Variants in RBFOX1 observed in about 807,000 individuals in gnomAD.
The protein encoded by RBFOX1 is RNA binding fox-1 homolog 1.
Under a neutral mutation model 57.7 loss-of-function variants are expected in RBFOX1, and 8 were observed. The ratio of observed to expected loss-of-function variants is 0.14; its 90% CI spans 0.08 to 0.25. RBFOX1 has a LOEUF of 0.25. RBFOX1 is among the 10% of genes least tolerant of loss of function. RBFOX1 has a pLI of 1.00. For missense variants in RBFOX1, 611 were observed against 548.5 expected, an observed-to-expected ratio of 1.11 and a Z score of -1.14; for synonymous variants, 326 against 222.4, an observed-to-expected ratio of 1.47 and a Z score of -4.15.
intron 3 of RBFOX1, among the ~76,000 whole-genome samples, chr16:6,678,235 C>T (rs1259064141): frequency 6.6e-6 from 1 of 152,144 alleles, no homozygotes; most frequent in Non-Finnish European, 1.5e-5. Context: ...AGCATTTATC[C>T]AACTTCATCC....
At chr16:7,067,610 G>A (rs1402692512) in intron 4 of RBFOX1, among the ~76,000 whole-genome samples, 1 of 151,788 alleles carries the variant, frequency 6.6e-6, no homozygotes, top group Non-Finnish European at 1.5e-5. Flanking sequence ...ATGTATACAT[G>A]TGCCATGTTG....
chr16:6,911,016 C>T (rs182340378), intron 3 of RBFOX1, among the ~76,000 whole-genome samples: 4 of 152,074 alleles, frequency 2.6e-5, no homozygotes, highest in East Asian at 3.9e-4. Context: ...GCCTGGTCAA[C>T]GTGGTGAAAC....
intron 2 of RBFOX1, among the ~76,000 whole-genome samples, chr16:6,527,461 T>C (rs1033551034): frequency 6.6e-6 from 1 of 152,178 alleles, no homozygotes; most frequent in African/African-American, 2.4e-5. Context: ...TGCCAGCCTG[T>C]GAAACACGTG....
At chr16:6,133,533 A>G (rs1248603260) in intron 1 of RBFOX1, among the ~76,000 whole-genome samples, 5 of 152,136 alleles carry the variant, frequency 3.3e-5, no homozygotes, top group Non-Finnish European at 5.9e-5. Context: ...CGATCACGCT[A>G]TGTTTACTGT....
chr16:6,974,823 T>C (rs993837586), intron 3 of RBFOX1, among the ~76,000 whole-genome samples: 2 of 152,158 alleles, frequency 1.3e-5, no homozygotes, highest in South Asian at 2.1e-4. Context: ...CCTTGGCTTG[T>C]AGTCCTTTTA....
At chr16:5,348,529 A>C (rs2065192859) in intron 1 of RBFOX1, among the ~76,000 whole-genome samples, 1 of 152,174 alleles carries the variant, frequency 6.6e-6, no homozygotes, top group Non-Finnish European at 1.5e-5. Context: ...CATATCTAAG[A>C]AGTGGAGGAG....
chr16:6,878,098 T>C (rs2062178010), intron 3 of RBFOX1, among the ~76,000 whole-genome samples: 1 of 152,168 alleles, frequency 6.6e-6, no homozygotes, highest in South Asian at 2.1e-4. Context: ...CTGAGATATA[T>C]GGTGGCGTGT....
At chr16:6,563,783 G>C (rs1459455194) in intron 2 of RBFOX1, among the ~76,000 whole-genome samples, 1 of 151,902 alleles carries the variant, frequency 6.6e-6, no homozygotes, top group African/African-American at 2.4e-5. Flanking sequence ...CTGAGACTGA[G>C]CCACTGCAAT....
chr16:7,011,356 G>T (rs929781362), intron 3 of RBFOX1, among the ~76,000 whole-genome samples: 1 of 152,150 alleles, frequency 6.6e-6, no homozygotes, highest in Non-Finnish European at 1.5e-5. Flanking sequence ...AATTTGCCAA[G>T]GTCTTAAAGA....
At chr16:5,978,736 C>A (rs1472919551) in intron 4 of RBFOX1, among the ~76,000 whole-genome samples, 2 of 150,054 alleles carry the variant, frequency 1.3e-5, no homozygotes, top group Non-Finnish European at 2.9e-5. Context: ...GGGTACCAGT[C>A]CGGCGTCCTG....
At chr16:6,087,195 G>T (rs968872004) in intron 1 of RBFOX1, among the ~76,000 whole-genome samples, 1 of 152,206 alleles carries the variant, frequency 6.6e-6, no homozygotes, top group Admixed American at 6.5e-5. Context: ...TAGAACGCCT[G>T]CCAGGTGAAA....
At chr16:7,202,504 G>A (rs567660316) in intron 4 of RBFOX1, among the ~76,000 whole-genome samples, 108 of 152,312 alleles carry the variant, frequency 7.1e-4, no homozygotes, top group Non-Finnish European at 9.1e-4. Context: ...TGAATGTAGA[G>A]CAGGGGTCCC....
At position 6,080,558 on chromosome 16, in the gene RBFOX1, G is replaced by C. The variant is rs1368452180; in HGVS notation, c.-127+60566G>C. ...TACAATGAATGCATAATTAAGATAG[G>C]GATATTTACTGCAAAGGAAAAATAA... On this transcript the variant is annotated intron_variant, in intron 1 of 15. Transcript: ENST00000550418. 3.3e-5 allele frequency among the ~76,000 whole-genome samples: 5 copies of C among 152,008 alleles called. No individual in the cohort carries two copies. In the East Asian group the frequency reaches 7.7e-4, roughly 23 times the overall value.
In RBFOX1 at chr16:7,581,979, T is replaced by A. The variant is rs536219221; in HGVS notation, c.414+2059T>A. On this transcript the variant is annotated intron_variant, in intron 6 of 15. Transcript: ENST00000550418. ...CAACCCTCCCGCCTTGGCCTCCCAATGTGCTGGGATTACAGCATAAGATGT... is the reference window on the plus strand; with the variant it reads ...CAACCCTCCCGCCTTGGCCTCCCAAAGTGCTGGGATTACAGCATAAGATGT... Among the ~76,000 whole-genome samples, 42 of 151,896 alleles carry A rather than the reference T, an allele frequency of 2.8e-4. No individual in the cohort carries two copies. In the South Asian group the frequency reaches 3.5e-3, roughly 13 times the overall value.
intron 3 of RBFOX1, among the ~76,000 whole-genome samples, chr16:6,917,239 G>A (rs373235579): frequency 9.2e-5 from 14 of 152,216 alleles, no homozygotes; most frequent in Non-Finnish European, 1.6e-4. Context: ...CTTGGTCCCC[G>A]CTCTCACTGC....
At chr16:6,880,741 T>C (rs1361077226) in intron 3 of RBFOX1, among the ~76,000 whole-genome samples, 1 of 152,242 alleles carries the variant, frequency 6.6e-6, no homozygotes, top group Non-Finnish European at 1.5e-5. Context: ...TATTTTATGA[T>C]TGTATTTGAT....
chr16:7,554,688 A>G (rs1031919482), intron 5 of RBFOX1, among the ~76,000 whole-genome samples: 1 of 151,670 alleles, frequency 6.6e-6, no homozygotes, highest in African/African-American at 2.4e-5. Flanking sequence ...AGCACCCTAC[A>G]CCTATAACTT....
chr16:6,559,841 C>G (rs570630056), intron 2 of RBFOX1, among the ~76,000 whole-genome samples: 3 of 152,260 alleles, frequency 2.0e-5, no homozygotes, highest in African/African-American at 7.2e-5. Context: ...TTCCCTGAAG[C>G]TCCCTTATCT....
At chr16:7,357,680 G>C (rs1383101847) in intron 4 of RBFOX1, among the ~76,000 whole-genome samples, 1 of 152,116 alleles carries the variant, frequency 6.6e-6, no homozygotes, top group Non-Finnish European at 1.5e-5. Flanking sequence ...TTCAGTCTCG[G>C]TTGCAATGTC....
Sources: allele counts gnomAD v4.1 joint callset (sites outside exome capture counted in the v4.1 genomes callset), GRCh38; gene constraint gnomAD v4.1.1; transcripts MANE v1.5; gene names NCBI Gene and HGNC (gene_info 2026-07-23, HGNC 2026-07-21).